PPARGC1A: variants seen among roughly 807,000 people sequenced by gnomAD.
The protein encoded by PPARGC1A is PPARG coactivator 1 alpha, also known as peroxisome proliferator-activated receptor gamma coactivator 1-alpha.
PPARGC1A carries 25 observed loss-of-function variants against 88.7 expected under a neutral mutation model. That is an observed-to-expected ratio of 0.28 (90% confidence interval 0.21 to 0.39). The LOEUF (loss-of-function observed/expected upper bound fraction) is 0.39. PPARGC1A is among the 10% of genes least tolerant of loss of function. The pLI, the probability that PPARGC1A is intolerant of heterozygous loss-of-function variation, is 1.00. For synonymous variants in PPARGC1A, 363 were observed against 355.6 expected, an observed-to-expected ratio of 1.02 and a Z score of -0.24; for missense variants, 880 against 968.7, an observed-to-expected ratio of 0.91 and a Z score of 1.22.
At chr4:24,094,127 G>C in the PPARGC1A span, among the ~76,000 whole-genome samples, 9 of 152,278 alleles carry the variant, frequency 5.9e-5, no homozygotes, top group Middle Eastern at 3.4e-3. Context: ...GTGTTGCTAA[G>C]TCATGCCTTA....
chr4:24,128,503 G>T, the PPARGC1A span, among the ~76,000 whole-genome samples: 1 of 150,702 alleles, frequency 6.6e-6, no homozygotes, highest in Non-Finnish European at 1.5e-5. Context: ...CAGCTCCCAG[G>T]GCTGAAATCA....
chr4:24,272,682 G>A, the PPARGC1A span, among the ~76,000 whole-genome samples: 9 of 152,274 alleles, frequency 5.9e-5, no homozygotes, highest in South Asian at 6.2e-4. Context: ...AACCCCCAAC[G>A]TCATCATAAA....
the PPARGC1A span, among the ~76,000 whole-genome samples, chr4:24,067,919 G>A: frequency 1.1e-4 from 17 of 152,196 alleles, no homozygotes; most frequent in Non-Finnish European, 2.1e-4. Context: ...TGAATCACCT[G>A]TTACTTACTT....
chr4:23,996,193 T>C, the PPARGC1A span, among the ~76,000 whole-genome samples: 2 of 152,134 alleles, frequency 1.3e-5, no homozygotes, highest in African/African-American at 4.8e-5. Flanking sequence ...GAATTTTGAC[T>C]GGTACTTTTC....
the PPARGC1A span, among the ~76,000 whole-genome samples, chr4:24,382,440 G>A: frequency 6.6e-6 from 1 of 152,116 alleles, no homozygotes; most frequent in Admixed American, 6.5e-5. Flanking sequence ...TTAAAAGGCA[G>A]GAAGTAAGGG....
the PPARGC1A span, among the ~76,000 whole-genome samples, chr4:24,284,519 A>G: frequency 1.3e-5 from 2 of 152,156 alleles, no homozygotes; most frequent in African/African-American, 4.8e-5. Context: ...TGAAGGGAAA[A>G]GGGCTTCAAA....
In PPARGC1A at chr4:23,896,708, G is replaced by A. The variant is rs540669897; in HGVS notation, n.52+2559C>T. Among the ~76,000 whole-genome samples, 22 of 152,170 alleles carry A rather than the reference G, an allele frequency of 1.4e-4. No homozygotes were observed. In the East Asian group the frequency reaches 3.9e-3, roughly 27 times the overall value. ...TCTCTTTAAAAATCTTAATTAGCCC[G>A]GGTGGGGTTAAAGAAACTTCATTCA... On this transcript the variant is annotated intron_variant and non_coding_transcript_variant, in intron 1 of 3. Transcript: ENST00000507342.
At chr4:23,970,933 G>A in the PPARGC1A span, among the ~76,000 whole-genome samples, 1 of 152,050 alleles carries the variant, frequency 6.6e-6, no homozygotes, top group Non-Finnish European at 1.5e-5. Context: ...ATGCACACAG[G>A]CCTGATATTC....
chr4:24,380,605 G>T, the PPARGC1A span, among the ~76,000 whole-genome samples: 1 of 152,070 alleles, frequency 6.6e-6, no homozygotes, highest in Non-Finnish European at 1.5e-5. Flanking sequence ...GGATTGGAGG[G>T]AAGACAAGAC....
the PPARGC1A span, among the ~76,000 whole-genome samples, chr4:24,239,670 C>T: frequency 6.6e-6 from 1 of 151,988 alleles, no homozygotes; most frequent in African/African-American, 2.4e-5. Flanking sequence ...TGCTGAGCTC[C>T]AGAGTAAGTA....
chr4:24,370,273 G>A, the PPARGC1A span, among the ~76,000 whole-genome samples: 2 of 152,014 alleles, frequency 1.3e-5, no homozygotes, highest in African/African-American at 4.8e-5. Context: ...TAAGCCACAT[G>A]AAACTACTAG....
the PPARGC1A span, among the ~76,000 whole-genome samples, chr4:23,927,441 T>C: frequency 1.3e-5 from 2 of 152,298 alleles, no homozygotes; most frequent in South Asian, 4.2e-4. Context: ...AGGTTTATGG[T>C]TTTTTCTTGT....
intron 1 of PPARGC1A, among the ~76,000 whole-genome samples, chr4:23,895,936 ATGTGTGTGTGTGTGTGTGTGTGTGTGTG>A (rs550243415): frequency 7.7e-6 from 1 of 130,640 alleles, no homozygotes; most frequent in Admixed American, 7.7e-5. Flanking sequence ...AATTATAGAG[ATGTGTGTGTGTGTGTGTGTGTGTGTGTG>A]TGTGTGTGTG....
chr4:24,023,275 TTGTC>T, the PPARGC1A span, among the ~76,000 whole-genome samples: 1 of 152,182 alleles, frequency 6.6e-6, no homozygotes, highest in Non-Finnish European at 1.5e-5. Flanking sequence ...TTTGATTCCT[TTGTC>T]AGGAAGTTAC....
chr4:24,261,518 A>G, the PPARGC1A span, among the ~76,000 whole-genome samples: 1 of 152,114 alleles, frequency 6.6e-6, no homozygotes, highest in Non-Finnish European at 1.5e-5. Flanking sequence ...TACCTGCTTT[A>G]TTTCCATTTT....
the PPARGC1A span, among the ~76,000 whole-genome samples, chr4:24,015,834 A>G: frequency 1.3e-5 from 2 of 152,206 alleles, no homozygotes; most frequent in African/African-American, 2.4e-5. Flanking sequence ...ACTAATGTTC[A>G]TTTCATAAGA....
chr4:24,196,880 G>A, the PPARGC1A span, among the ~76,000 whole-genome samples: 1 of 152,164 alleles, frequency 6.6e-6, no homozygotes, highest in Non-Finnish European at 1.5e-5. Context: ...TGAAACAGGG[G>A]GATCTAATTG....
In PPARGC1A at chr4:23,864,387, G is replaced by T. The variant is rs533488256; in HGVS notation, c.234+20365C>A. On this transcript the variant is annotated intron_variant, in intron 2 of 12. Coordinates refer to ENST00000264867, the MANE Select transcript of PPARGC1A (RefSeq NM_013261.5). ...CATATACTTGGTCTGTAATTATCAT[G>T]GTTTCCGGCAAAATTCTAGGTACAC... 3.3e-5 allele frequency among the ~76,000 whole-genome samples: 5 copies of T among 152,170 alleles called. No homozygotes were observed. The South Asian group carries it at 1.0e-3, about 32-fold the overall frequency.
At chr4:24,196,340 C>A in the PPARGC1A span, among the ~76,000 whole-genome samples, 2 of 152,182 alleles carry the variant, frequency 1.3e-5, no homozygotes, top group Non-Finnish European at 2.9e-5. Flanking sequence ...TACACACAGC[C>A]CACCTTTTAT....
Sources: gnomAD v4.1 joint callset for allele counts (sites outside exome capture counted in the v4.1 genomes callset) on GRCh38, gnomAD v4.1.1 for gene constraint, MANE v1.5 for transcripts, NCBI Gene and HGNC (gene_info 2026-07-23, HGNC 2026-07-21) for gene names.